PRKG1: variants seen among roughly 807,000 people sequenced by gnomAD.
PRKG1 encodes protein kinase cGMP-dependent 1.
A neutral mutation model predicts 88.1 loss-of-function variants in PRKG1; 35 were observed. The ratio of observed to expected loss-of-function variants is 0.40; its 90% CI spans 0.30 to 0.53. PRKG1 has a LOEUF of 0.53. PRKG1 is among the 20% of genes least tolerant of loss of function. The pLI is 0.59. For synonymous variants in PRKG1, 303 were observed against 292.5 expected (o/e 1.04, Z -0.37); for missense variants, 540 against 839.8 (o/e 0.64, Z 4.41).
chr10:51,302,707 T>C (rs896097076), intron 2 of PRKG1: 1 of 152,168 alleles, frequency 6.6e-6, no homozygotes, highest in Non-Finnish European at 1.5e-5. Flanking sequence ...ATTTGAGATG[T>C]ACTTTATTTC....
At chr10:51,856,975 GA>G (rs751399864) in intron 4 of PRKG1, among the ~76,000 whole-genome samples, 17 of 77,036 alleles carry the variant, frequency 2.2e-4, no homozygotes, top group East Asian at 1.2e-3. Flanking sequence ...CTAAAAAAAA[GA>G]AAAAAAAAAA....
At chr10:51,529,759 A>G (rs886152613) in intron 3 of PRKG1, among the ~76,000 whole-genome samples, 1 of 152,166 alleles carries the variant, frequency 6.6e-6, no homozygotes, top group Admixed American at 6.5e-5. Context: ...ATTTGTTTAT[A>G]TAGCTGTCCT....
chr10:52,142,192 A>G (rs571845184), intron 8 of PRKG1, among the ~76,000 whole-genome samples: 11 of 152,156 alleles, frequency 7.2e-5, no homozygotes, highest in Non-Finnish European at 1.3e-4. Flanking sequence ...GGATTGTCCA[A>G]GCTCTTTAAT....
At chr10:51,570,067 A>ATATATGTGTGTGTGTG in intron 3 of PRKG1, among the ~76,000 whole-genome samples, 2 of 113,114 alleles carry the variant, frequency 1.8e-5, no homozygotes, top group African/African-American at 7.2e-5. Flanking sequence ...ATATATATAT[A>ATATATGTGTGTGTGTG]TGTGTGTGTG....
intron 3 of PRKG1, among the ~76,000 whole-genome samples, chr10:51,545,481 G>A (rs1842423187): frequency 6.6e-6 from 1 of 152,044 alleles, no homozygotes; most frequent in Admixed American, 6.6e-5. Context: ...TGGATGGAAA[G>A]CATCCCTTCC....
chr10:51,106,169 C>T (rs1844827865), intron 1 of PRKG1, among the ~76,000 whole-genome samples: 1 of 152,172 alleles, frequency 6.6e-6, no homozygotes. Context: ...CCTCTCTATG[C>T]CTCAGTTTCC....
At position 52,297,486 on chromosome 10, in the gene PRKG1, A is replaced by G. The variant is rs1010197205; in HGVS notation, c.*3586A>G. The stretch of plus-strand genomic sequence containing the variant: ...TTACAGTTCTTTCTGCTAACAATTT[A>G]TAAGCCTTTATTATATAATATTGAT... On this transcript the variant is annotated 3_prime_UTR_variant, in exon 18 of 18. Coordinates refer to ENST00000373980, the MANE Select transcript of PRKG1 (RefSeq NM_006258.4). 1 of 152,184 alleles carries G rather than the reference A, an allele frequency of 6.6e-6. No homozygotes were observed. The highest frequency in any genetic ancestry group is 1.5e-5 in the Non-Finnish European group (1 of 68,036). 9.4% of individuals were successfully genotyped at this position (152,184 alleles called of 1,614,324 possible). A position where few individuals can be genotyped will look rare whatever the true frequency, so the allele number is the denominator to read the frequency against.
At chr10:52,233,973 C>G (rs927745596) in intron 9 of PRKG1, among the ~76,000 whole-genome samples, 15 of 151,792 alleles carry the variant, frequency 9.9e-5, no homozygotes, top group East Asian at 5.9e-4. Context: ...ATCTGAGAAC[C>G]GGCAGACTGC....
At chr10:51,016,462 T>C (rs1027386330) in intron 1 of PRKG1, among the ~76,000 whole-genome samples, 1 of 152,168 alleles carries the variant, frequency 6.6e-6, no homozygotes, top group African/African-American at 2.4e-5. Flanking sequence ...ATTTCAGGCT[T>C]CTGTAATAAA....
At chr10:51,791,217 T>G (rs548111577) in intron 3 of PRKG1, among the ~76,000 whole-genome samples, 1 of 152,184 alleles carries the variant, frequency 6.6e-6, no homozygotes, top group African/African-American at 2.4e-5. Flanking sequence ...AGAGGAAAAG[T>G]AAAGAAAGTT....
At chr10:51,860,137 T>C (rs1482947010) in intron 4 of PRKG1, among the ~76,000 whole-genome samples, 2 of 152,166 alleles carry the variant, frequency 1.3e-5, no homozygotes, top group Non-Finnish European at 2.9e-5. Context: ...ATACATATAC[T>C]AGGCAGTAGA....
intron 5 of PRKG1, among the ~76,000 whole-genome samples, chr10:51,989,536 G>T (rs896617154): frequency 6.6e-5 from 10 of 151,930 alleles, no homozygotes; most frequent in African/African-American, 2.4e-4. Context: ...TAACCAGATT[G>T]CCTGTAATGT....
intron 3 of PRKG1, among the ~76,000 whole-genome samples, chr10:51,801,409 CA>C (rs1332001041): frequency 6.6e-6 from 1 of 152,048 alleles, no homozygotes; most frequent in African/African-American, 2.4e-5. Context: ...GTAGACTGTA[CA>C]AAAACAGACC....
intron 2 of PRKG1, among the ~76,000 whole-genome samples, chr10:51,314,200 G>A (rs778405842): frequency 6.6e-6 from 1 of 152,162 alleles, no homozygotes; most frequent in Non-Finnish European, 1.5e-5. Flanking sequence ...GGTACAGCCA[G>A]GGCTTACCAG....
chr10:51,218,792 C>A (rs534860918), intron 2 of PRKG1, among the ~76,000 whole-genome samples: 67 of 151,374 alleles, frequency 4.4e-4, no homozygotes, highest in African/African-American at 1.6e-3. Context: ...TAACGGTTAG[C>A]CCAATGCCTA....
At chr10:51,614,044 G>T (rs1184748606) in intron 3 of PRKG1, among the ~76,000 whole-genome samples, 2 of 151,844 alleles carry the variant, frequency 1.3e-5, no homozygotes. Flanking sequence ...ATATTTTGTT[G>T]TTGCTTTTTT....
chr10:51,930,861 C>T (rs1367043064), intron 5 of PRKG1, among the ~76,000 whole-genome samples: 1 of 152,100 alleles, frequency 6.6e-6, no homozygotes, highest in African/African-American at 2.4e-5. Context: ...TTAAAATATT[C>T]TCACTTAGGA....
chr10:51,337,849 C>T (rs947350235), intron 2 of PRKG1, among the ~76,000 whole-genome samples: 7 of 152,036 alleles, frequency 4.6e-5, no homozygotes, highest in African/African-American at 1.7e-4. Flanking sequence ...GGGGATTCCT[C>T]AAAAATCTAG....
intron 3 of PRKG1, among the ~76,000 whole-genome samples, chr10:51,624,701 A>G (rs1000618677): frequency 6.6e-6 from 1 of 152,262 alleles, no homozygotes; most frequent in Non-Finnish European, 1.5e-5. Context: ...GTGAATAATT[A>G]AAAAATGTTG....
Sources: allele counts gnomAD v4.1 joint callset (sites outside exome capture counted in the v4.1 genomes callset), GRCh38; gene constraint gnomAD v4.1.1; transcripts MANE v1.5; gene names NCBI Gene and HGNC (gene_info 2026-07-23, HGNC 2026-07-21).